The following RPS6KA1 variants were observed in gnomAD, a reference collection of about 807,000 sequenced individuals.
RPS6KA1 encodes the protein ribosomal protein S6 kinase A1.
RPS6KA1 carries 48 observed loss-of-function variants against 91.3 expected under a neutral mutation model. That is an observed-to-expected ratio of 0.53 (90% confidence interval 0.42 to 0.67). The LOEUF is 0.67. Among genes scored for constraint, RPS6KA1 ranks in the 30% least tolerant of loss-of-function variants. The probability of loss-of-function intolerance (pLI) is 0.00; values close to 1 mark genes in which losing one functional copy is unlikely to be tolerated. For missense variants in RPS6KA1, 719 were observed against 960.5 expected (o/e 0.75, Z 3.32); for synonymous variants, 359 against 384.7 (o/e 0.93, Z 0.78).
chr1:26,547,429 G>A lies in RPS6KA1; in HGVS notation c.307+159G>A. 1.6e-6 allele frequency: 1 copy of A among 623,936 alleles called. No individual in the cohort carries two copies. Among genetic ancestry groups the A allele is most frequent in the Non-Finnish European group, 2.9e-6 (1 of 350,464 alleles). The allele number at this position is 623,936 out of a possible 1,614,324, so 38.6% of individuals were successfully genotyped here. A position where few individuals can be genotyped will look rare whatever the true frequency, so the allele number is the denominator to read the frequency against. ...CCTATTTCTCAGCTATCCCTCGCCA[G>A]CCAATCCTCCTCCCCCTAAGCCAAG... On this transcript the variant is annotated intron_variant, in intron 4 of 21. Transcript: ENST00000374168. This position sits in a 1 kb window ranked among gnomAD's most constrained non-coding sequence, Gnocchi z 4.1.
Position 26,561,255 on chromosome 1 carries a change from G to T in RPS6KA1, c.1431+121G>T. 2.0e-6 allele frequency: 2 copies of T among 983,930 alleles called. No homozygotes were observed. The highest frequency in any genetic ancestry group is 1.5e-6 in the Non-Finnish European group (1 of 650,636). 60.9% of individuals were successfully genotyped at this position (983,930 alleles called of 1,614,324 possible). On this transcript the variant is annotated intron_variant, in intron 16 of 21. Coordinates refer to ENST00000374168, the MANE Select transcript of RPS6KA1 (RefSeq NM_002953.4). The surrounding 1 kb of genome is among the most constrained non-coding windows in gnomAD (Gnocchi z 5.7). ...CCAGTGGTCATGTGGAGGGGAAGGAGGTCCCTTGGTCCCTTCAGTCTGCCC... is the reference window on the plus strand; with the variant it reads ...CCAGTGGTCATGTGGAGGGGAAGGATGTCCCTTGGTCCCTTCAGTCTGCCC...
At chr1:26,556,951 G>C in intron 12 of RPS6KA1, 47 bp from the exon 13 acceptor site, 1 of 1,431,192 alleles carries the variant, frequency 7.0e-7, no homozygotes, top group Non-Finnish European at 9.9e-7. Context: ...CTCCTGGTGG[G>C]CTGTTGAGGA....
chr1:26,561,656 C>T lies in RPS6KA1; in HGVS notation c.1583C>T (p.Ser528Leu). 1 of 1,603,326 alleles carries T rather than the reference C, an allele frequency of 6.2e-7. No individual in the cohort carries two copies. Among genetic ancestry groups the T allele is most frequent in the Non-Finnish European group, 8.5e-7 (1 of 1,173,578 alleles). ...TIGKTVEYLH[S>L]QGVVHRDLKP... ...GGCAAAACTGTGGAGTATCTGCACT[C>T]ACAGGGGGTGAGTCTGGATTCGGGG... Residue 528 changes from serine to leucine, a missense_variant, in exon 17 of 22, where the codon TCA becomes TTA. Transcript: ENST00000374168. The surrounding 1 kb of genome is among the most constrained non-coding windows in gnomAD (Gnocchi z 5.7).
intron 2 of RPS6KA1, among the ~76,000 whole-genome samples, chr1:26,543,646 G>C (rs766773413): frequency 6.6e-6 from 1 of 152,188 alleles, no homozygotes; most frequent in Non-Finnish European, 1.5e-5. Context: ...TAGTACTGAA[G>C]GAGAAGGGGT....
Position 26,574,496 on chromosome 1 carries a change from G to T in RPS6KA1, c.*295G>T. On this transcript the variant is annotated 3_prime_UTR_variant, in exon 22 of 22. Coordinates refer to ENST00000374168, the MANE Select transcript of RPS6KA1 (RefSeq NM_002953.4). This position sits in a 1 kb window ranked among gnomAD's most constrained non-coding sequence, Gnocchi z 4.3. ...TTTACAAGATCCATTTGCCTTTCTGGGAGCAGAAACAGCCATTGCGGCCCC... is the reference window on the plus strand; with the variant it reads ...TTTACAAGATCCATTTGCCTTTCTGTGAGCAGAAACAGCCATTGCGGCCCC... 1.8e-6 allele frequency: 1 copy of T among 546,438 alleles called. No homozygotes were observed. Among genetic ancestry groups the T allele is most frequent in the East Asian group, 4.8e-5 (1 of 20,938 alleles). The allele number at this position is 546,438 out of a possible 1,614,324, so 33.8% of individuals were successfully genotyped here.
intron 2 of RPS6KA1, chr1:26,546,002 C>T (rs775579776): frequency 1.2e-6 from 2 of 1,611,794 alleles, no homozygotes; most frequent in South Asian, 2.2e-5. Flanking sequence ...CTCTGCCTGT[C>T]CCTGGCCCTG....
intron 17 of RPS6KA1, among the ~76,000 whole-genome samples, chr1:26,565,110 G>A (rs185139120): frequency 6.6e-6 from 1 of 152,292 alleles, no homozygotes; most frequent in East Asian, 1.9e-4. Flanking sequence ...CTGAAGCTAG[G>A]AGTGTATGTG....
intron 2 of RPS6KA1, chr1:26,545,990 C>G (rs1023995418): frequency 6.2e-7 from 1 of 1,611,252 alleles, no homozygotes; most frequent in Non-Finnish European, 8.5e-7. Context: ...TCAGCCAGAC[C>G]TCTCTGCCTG....
rs927463177 is a variant in RPS6KA1 at position 26,561,972 on chromosome 1, G to A, written c.1590+309G>A. Among the ~76,000 whole-genome samples the A allele has an allele frequency of 7.9e-5, 12 of 152,288 alleles. No individual in the cohort carries two copies. Among genetic ancestry groups the A allele is most frequent in the East Asian group, 1.9e-4 (1 of 5,190 alleles). On this transcript the variant is annotated intron_variant, in intron 17 of 21. Coordinates refer to ENST00000374168, the MANE Select transcript of RPS6KA1 (RefSeq NM_002953.4). The surrounding 1 kb of genome is among the most constrained non-coding windows in gnomAD (Gnocchi z 5.7). The stretch of plus-strand genomic sequence containing the variant: ...AATCCCAGCAACTTGGGAGGGCAAC[G>A]CAGGTGGATCACTTGAGGTCAGGAG...
In RPS6KA1 at chr1:26,551,601, A is replaced by T; in HGVS notation, c.389-43A>T. 1 of 1,604,134 alleles carries T rather than the reference A, an allele frequency of 6.2e-7. No individual in the cohort carries two copies. The highest frequency in any genetic ancestry group is 8.5e-7 in the Non-Finnish European group (1 of 1,170,900). ...AGCCAGGGCCGGAGAAGCAGATCAT[A>T]AGGCCGCGCCGACTCTACCATTGCC... is the stretch of plus-strand genomic sequence containing the variant. On this transcript the variant is annotated intron_variant, in intron 5 of 21. Transcript: ENST00000374168. This position sits in a 1 kb window ranked among gnomAD's most constrained non-coding sequence, Gnocchi z 4.5.
intron 20 of RPS6KA1, 56 bp from the exon 21 acceptor site, chr1:26,573,168 C>G (rs892709911): frequency 2.5e-6 from 4 of 1,583,636 alleles, no homozygotes; most frequent in Non-Finnish European, 3.5e-6. Context: ...TGTGCCCCAT[C>G]AGGGGCCTGC....
Position 26,551,659 on chromosome 1 carries a change from G to A in RPS6KA1, c.404G>A (p.Gly135Asp). 1 of 1,614,158 alleles carries A rather than the reference G, an allele frequency of 6.2e-7. No homozygotes were observed. Among genetic ancestry groups the A allele is most frequent in the Non-Finnish European group, 8.5e-7 (1 of 1,180,014 alleles). Residue 135 changes from glycine (G) to aspartate (D), a missense_variant, in exon 6 of 22, where the codon GGC becomes GAC. By Grantham distance (94) the Gly-to-Asp change is moderately conservative. Around this residue, in one of 5 missense-constraint regions of RPS6KA1, gnomAD observed 159 missense variants for 264.5 expected, o/e 0.60. Coordinates refer to ENST00000374168, the MANE Select transcript of RPS6KA1 (RefSeq NM_002953.4). This position sits in a 1 kb window ranked among gnomAD's most constrained non-coding sequence, Gnocchi z 4.5. ...VKLHYAFQTE[G>D]KLYLILDFLR... is the part of the protein sequence containing the mutation. ...CTCTTCCCAGCCTTCCAGACCGAGG[G>A]CAAGCTCTATCTCATTCTGGACTTC...
chr1:26,564,384 G>A (rs944628620), intron 17 of RPS6KA1, among the ~76,000 whole-genome samples: 5 of 152,154 alleles, frequency 3.3e-5, no homozygotes, highest in Non-Finnish European at 5.9e-5. Context: ...TCAGCCTCCC[G>A]AGTAGCTGGG....
In RPS6KA1 at chr1:26,551,347, GC is replaced by G; in HGVS notation, c.308-49del. ...ATCCCTTAGCGGGGGCTTGGGAGTG[GC>G]TGTGTTGAGTGTCTAGGCTACTGGT... On this transcript the variant is annotated intron_variant, in intron 4 of 21. Coordinates refer to ENST00000374168, the MANE Select transcript of RPS6KA1 (RefSeq NM_002953.4). The surrounding 1 kb of genome is among the most constrained non-coding windows in gnomAD (Gnocchi z 4.5). 1 of 1,524,042 alleles carries G rather than the reference GC, an allele frequency of 6.6e-7. No individual in the cohort carries two copies. Among genetic ancestry groups the G allele is most frequent in the Non-Finnish European group, 9.1e-7 (1 of 1,099,152 alleles). 94.4% of individuals were successfully genotyped at this position (1,524,042 alleles called of 1,614,324 possible).
chr1:26,561,625 A>G lies in RPS6KA1; in HGVS notation c.1552A>G (p.Thr518Ala). 1 of 1,613,052 alleles carries G rather than the reference A, an allele frequency of 6.2e-7. No homozygotes were observed. The highest frequency in any genetic ancestry group is 8.5e-7 in the Non-Finnish European group (1 of 1,179,396). The change falls in exon 17 of 22, where the codon ACC (threonine) becomes GCC (alanine). Residue 518 changes from threonine (T) to alanine (A), a missense_variant. Coordinates refer to ENST00000374168, the MANE Select transcript of RPS6KA1 (RefSeq NM_002953.4). This position sits in a 1 kb window ranked among gnomAD's most constrained non-coding sequence, Gnocchi z 5.7. ...GCGGGAGGCCAGCTTTGTCCTGCACACCATTGGCAAAACTGTGGAGTATCT... is the reference window on the plus strand; with the variant it reads ...GCGGGAGGCCAGCTTTGTCCTGCACGCCATTGGCAAAACTGTGGAGTATCT... ...SEREASFVLH[T>A]IGKTVEYLHS...
At chr1:26,534,594 G>T (rs1353530242) in intron 1 of RPS6KA1, among the ~76,000 whole-genome samples, 1 of 152,144 alleles carries the variant, frequency 6.6e-6, no homozygotes. Flanking sequence ...AGGGCCCAAT[G>T]ATAAGAATGG....
chr1:26,538,036 A>T (rs887071480), intron 2 of RPS6KA1, among the ~76,000 whole-genome samples: 6 of 152,214 alleles, frequency 3.9e-5, no homozygotes, highest in South Asian at 2.1e-4. Context: ...TTTGAGATGG[A>T]TGCAGGATTA....
In RPS6KA1 at chr1:26,572,193, A is replaced by G; in HGVS notation, c.1847A>G (p.Asn616Ser). Residue 616 changes from asparagine (N) to serine (S), a missense_variant, in exon 20 of 22, where the codon AAC becomes AGC. Transcript: ENST00000374168. ...TMLAGYTPFA[N>S]GPSDTPEEIL... ...TTCTGCAGATATACTCCATTTGCCA[A>G]CGGTCCCAGTGACACACCAGAGGAA... The G allele has an allele frequency of 6.2e-7, 1 of 1,614,002 alleles. No individual in the cohort carries two copies. The highest frequency in any genetic ancestry group is 1.1e-5 in the South Asian group (1 of 91,084).
In RPS6KA1 at chr1:26,551,852, A is replaced by G. The variant is rs1206309832; in HGVS notation, c.468+129A>G. ...CTGGAACCACCCAGGCCTGCCTAGC[A>G]GCCCCTGGCCCAGGAAATACCACGC... is the stretch of plus-strand genomic sequence containing the variant. On this transcript the variant is annotated intron_variant, in intron 6 of 21. Transcript: ENST00000374168. This position sits in a 1 kb window ranked among gnomAD's most constrained non-coding sequence, Gnocchi z 4.5. 4 of 775,002 alleles carry G rather than the reference A, an allele frequency of 5.2e-6. No homozygotes were observed. Among genetic ancestry groups the G allele is most frequent in the Non-Finnish European group, 8.8e-6 (4 of 454,120 alleles). The allele number at this position is 775,002 out of a possible 1,614,324, so 48.0% of individuals were successfully genotyped here.
Sources: allele counts gnomAD v4.1 joint callset (sites outside exome capture counted in the v4.1 genomes callset), GRCh38; gene constraint gnomAD v4.1.1; regional missense constraint gnomAD v4.1.1; non-coding constraint Gnocchi (gnomAD v3.1); transcripts MANE v1.5; gene names NCBI Gene and HGNC (gene_info 2026-07-23, HGNC 2026-07-21).